Variants in SUCLG2 observed in about 807,000 individuals in gnomAD.
SUCLG2 encodes succinate-CoA ligase GDP-forming subunit beta, also known as succinate--CoA ligase [GDP-forming] subunit beta, mitochondrial.
In SUCLG2, 42 loss-of-function variants were observed where a neutral mutation model predicts 47.9. The observed-to-expected ratio is 0.88, with a 90% CI of 0.69 to 1.14. SUCLG2 has a LOEUF of 1.14. Among genes scored for constraint, SUCLG2 ranks in the 50% most tolerant of loss-of-function variants. The probability of loss-of-function intolerance (pLI) is 0.00; values close to 1 mark genes in which losing one functional copy is unlikely to be tolerated. For missense variants in SUCLG2, 571 were observed against 525.9 expected, an observed-to-expected ratio of 1.09 and a Z score of -0.84; for synonymous variants, 195 against 197.3, an observed-to-expected ratio of 0.99 and a Z score of 0.10.
rs1704086634 is a variant in SUCLG2 at position 67,452,797 on chromosome 3, C to A, written c.1062+43001G>T. Among the ~76,000 whole-genome samples the A allele has an allele frequency of 1.3e-5, 2 of 152,170 alleles. 1 individual carries two copies. The highest frequency in any genetic ancestry group is 4.1e-4 in the South Asian group (2 of 4,832). Reference sequence around the variant, plus strand: ...TCTGTGACTGAAATTGTATTCAGGACCGCATTTCTAAATTATAGTTCAATT... The same window carrying A: ...TCTGTGACTGAAATTGTATTCAGGAACGCATTTCTAAATTATAGTTCAATT... On this transcript the variant is annotated intron_variant, in intron 9 of 10. Coordinates refer to ENST00000307227, the MANE Select transcript of SUCLG2 (RefSeq NM_003848.4).
chr3:67,580,400 C>T (rs1344890764), intron 2 of SUCLG2, among the ~76,000 whole-genome samples: 2 of 152,060 alleles, frequency 1.3e-5, no homozygotes, highest in Non-Finnish European at 2.9e-5. Context: ...ACCTGTTCTT[C>T]TTCATATTTT....
chr3:67,598,926 GCCCACCTTCTTAA>G (rs753881825), intron 2 of SUCLG2, among the ~76,000 whole-genome samples: 9 of 152,150 alleles, frequency 5.9e-5, no homozygotes, highest in Admixed American at 2.6e-4. Context: ...CTCTTCCAGA[GCCCACCTTCTTAA>G]ATACTACCAC....
intron 9 of SUCLG2, among the ~76,000 whole-genome samples, chr3:67,494,622 T>G (rs1311399373): frequency 6.6e-6 from 1 of 151,900 alleles, no homozygotes; most frequent in Non-Finnish European, 1.5e-5. Flanking sequence ...CGAGACCCTG[T>G]CTCTAAAAAA....
At chr3:67,432,927 A>G (rs750041599) in intron 9 of SUCLG2, among the ~76,000 whole-genome samples, 2 of 152,000 alleles carry the variant, frequency 1.3e-5, no homozygotes, top group African/African-American at 2.4e-5. Flanking sequence ...GGAACTCCAT[A>G]CTCTTTTATT....
chr3:67,379,884 G>C (rs1048723447), intron 10 of SUCLG2, among the ~76,000 whole-genome samples: 8 of 152,192 alleles, frequency 5.3e-5, no homozygotes, highest in African/African-American at 1.9e-4. Context: ...TCTTACCATG[G>C]ATGAAGTCTT....
chr3:67,405,333 T>C (rs146978896), intron 9 of SUCLG2, among the ~76,000 whole-genome samples: 1 of 152,286 alleles, frequency 6.6e-6, no homozygotes, highest in African/African-American at 2.4e-5. Flanking sequence ...AAACTAAACT[T>C]TGAAAAAAGA....
chr3:67,409,126 C>G, intron 9 of SUCLG2: 1 of 1,345,194 alleles, frequency 7.4e-7, no homozygotes, highest in Non-Finnish European at 1.0e-6. Context: ...TTCCTGTTTA[C>G]TGATAAAAGA....
chr3:67,429,535 C>G (rs186295596), intron 9 of SUCLG2, among the ~76,000 whole-genome samples: 1 of 152,158 alleles, frequency 6.6e-6, no homozygotes, highest in Non-Finnish European at 1.5e-5. Context: ...GAAGAAACTG[C>G]ATCAACTAAC....
rs1473665492 is a variant in SUCLG2 at position 67,522,459 on chromosome 3, A to C, written c.418-1825T>G. On this transcript the variant is annotated intron_variant, in intron 4 of 10. Transcript: ENST00000307227. ...GTATCCCTGTAGATAAGTATCCTAA[A>C]AGTGAAATGTCTAGGTTTTAAACTG... Among the ~76,000 whole-genome samples the C allele has an allele frequency of 2.0e-5, 3 of 152,002 alleles. 1 individual carries two copies. The highest frequency in any genetic ancestry group is 7.3e-5 in the African/African-American group (3 of 41,274).
intron 2 of SUCLG2, among the ~76,000 whole-genome samples, chr3:67,607,336 T>G (rs1700436339): frequency 6.6e-6 from 1 of 152,254 alleles, no homozygotes; most frequent in South Asian, 2.1e-4. Flanking sequence ...CAAAATATCC[T>G]GTTGATAACT....
At chr3:67,650,198 G>C (rs1701262111) in intron 1 of SUCLG2, among the ~76,000 whole-genome samples, 1 of 152,198 alleles carries the variant, frequency 6.6e-6, no homozygotes, top group Non-Finnish European at 1.5e-5. Context: ...ATACAGGTAA[G>C]TCACAACTTC....
chr3:67,590,235 T>A lies in SUCLG2; in HGVS notation c.226+19220A>T, dbSNP rs139948929. ...AAATAAAAAACATAATTTTAAAATA[T>A]TTCTATTATGTTCTTTCCCACATAC... On this transcript the variant is annotated intron_variant, in intron 2 of 10. Coordinates refer to ENST00000307227, the MANE Select transcript of SUCLG2 (RefSeq NM_003848.4). Among the ~76,000 whole-genome samples, 66 of 152,298 alleles carry A rather than the reference T, an allele frequency of 4.3e-4. No homozygotes were observed. In the East Asian group the frequency reaches 0.012, roughly 27 times the overall value.
intron 10 of SUCLG2, among the ~76,000 whole-genome samples, chr3:67,391,614 T>G (rs1186805926): frequency 6.6e-6 from 1 of 152,184 alleles, no homozygotes; most frequent in Non-Finnish European, 1.5e-5. Flanking sequence ...CTCGGTAGAT[T>G]GACTGTGGGC....
At chr3:67,585,976 AAAAAAAAAAAAAAAACC>A (rs1227860242) in intron 2 of SUCLG2, among the ~76,000 whole-genome samples, 3 of 87,036 alleles carry the variant, frequency 3.4e-5, no homozygotes, top group Middle Eastern at 5.1e-3. Flanking sequence ...CAAAAAAAAA[AAAAAAAAAAAAAAAACC>A]AAACCCACAA....
downstream of SUCLG2, among the ~76,000 whole-genome samples, chr3:67,372,320 T>G (rs543091349): frequency 6.6e-6 from 1 of 152,318 alleles, no homozygotes. Context: ...TTATCTCACT[T>G]TGTCACAATT....
chr3:67,406,535 T>C (rs980455091), intron 9 of SUCLG2, among the ~76,000 whole-genome samples: 2 of 152,078 alleles, frequency 1.3e-5, no homozygotes, highest in African/African-American at 4.8e-5. Flanking sequence ...GGCAGGTAGA[T>C]CAAGATTAAG....
intron 1 of SUCLG2, among the ~76,000 whole-genome samples, chr3:67,646,754 C>T (rs965558941): frequency 2.6e-5 from 4 of 152,110 alleles, no homozygotes; most frequent in African/African-American, 9.7e-5. Flanking sequence ...AGTCTGATTC[C>T]ACTCACGGTG....
chr3:67,441,386 G>A (rs1258392530), intron 9 of SUCLG2, among the ~76,000 whole-genome samples: 1 of 151,026 alleles, frequency 6.6e-6, no homozygotes, highest in Non-Finnish European at 1.5e-5. Flanking sequence ...AAAAGACTGT[G>A]GCTTCAGTGT....
rs537121405 is a variant in SUCLG2, at chr3:67,584,283, G to A, written c.226+25172C>T. Among the ~76,000 whole-genome samples, 120 of 152,196 alleles carry A rather than the reference G, an allele frequency of 7.9e-4. No individual in the cohort carries two copies. In the Middle Eastern group the frequency reaches 0.01, roughly 13 times the overall value. On this transcript the variant is annotated intron_variant, in intron 2 of 10. Transcript: ENST00000307227. The stretch of plus-strand genomic sequence containing the variant: ...CCTCAAAAATATGATACTAAGTGAA[G>A]GAAGCTCGACACAAGAGACCACATG...
Sources: gnomAD v4.1 joint callset for allele counts (sites outside exome capture counted in the v4.1 genomes callset) on GRCh38, gnomAD v4.1.1 for gene constraint, MANE v1.5 for transcripts, NCBI Gene and HGNC (gene_info 2026-07-23, HGNC 2026-07-21) for gene names.